VPS8: variants seen among roughly 807,000 people sequenced by gnomAD.
The protein encoded by VPS8 is VPS8 subunit of CORVET complex.
In VPS8, 129 loss-of-function variants were observed where a neutral mutation model predicts 216.4. That is an observed-to-expected ratio of 0.60 (90% CI 0.52 to 0.69). The LOEUF (loss-of-function observed/expected upper bound fraction) is 0.69, where lower values mean the gene tolerates loss of function less well. Ranked by LOEUF, VPS8 falls within the 30% of genes least tolerant of loss-of-function variation. The pLI is 0.00. For missense variants in VPS8, 1,531 were observed against 1,683.5 expected (o/e 0.91, Z 1.59); for synonymous variants, 571 against 565.4 (o/e 1.01, Z -0.14).
At chr3:184,882,508 A>G (rs778544290) in intron 21 of VPS8, 42 of 368,188 alleles carry the variant, frequency 1.1e-4, no homozygotes, top group Non-Finnish European at 2.1e-4. Flanking sequence ...TTTATGAAGA[A>G]CATTGGTCTG....
intron 40 of VPS8, among the ~76,000 whole-genome samples, chr3:184,975,382 T>C (rs1331256446): frequency 6.6e-6 from 1 of 152,154 alleles, no homozygotes; most frequent in Non-Finnish European, 1.5e-5. Flanking sequence ...TGCTACTGAT[T>C]GTTGAATGTT....
Position 184,981,942 on chromosome 3 carries a change from A to C in VPS8, c.3421-624A>C, listed in dbSNP as rs928155316. 3.3e-5 allele frequency among the ~76,000 whole-genome samples: 4 copies of C among 120,904 alleles called. No individual in the cohort carries two copies. The South Asian group carries it at 9.2e-4, about 28-fold the overall frequency. 79.3% of individuals were successfully genotyped at this position (120,904 alleles called of 152,430 possible). On this transcript the variant is annotated intron_variant, in intron 40 of 47. Transcript: ENST00000625842. ...TGTAAAGCATTTAATAGTGATTAAC[A>C]TAATATAAATAAATGATAGTTTTTT...
intron 5 of VPS8, among the ~76,000 whole-genome samples, chr3:184,836,897 G>A (rs1721193297): frequency 6.6e-6 from 1 of 152,118 alleles, no homozygotes. Flanking sequence ...AAAGTAGTAT[G>A]ACATGTGACT....
rs755774030 is a variant in VPS8, at chr3:184,983,034, A to T, written c.3525A>T (p.Gln1175His). 1 of 1,608,730 alleles carries T rather than the reference A, an allele frequency of 6.2e-7. No homozygotes were observed. The highest frequency in any genetic ancestry group is 1.1e-5 in the South Asian group (1 of 89,894). The stretch of plus-strand genomic sequence containing the variant: ...CAGCTCTGAAGTCTTTGACCATGCA[A>T]GTTTTAAATAGCATGGCAGCATTTA... ...HSEALKSLTM[Q>H]VLNSMAAFIA... The change falls in exon 42 of 48, where the codon CAA becomes CAT. Residue 1175 changes from glutamine to histidine, a missense_variant. By Grantham distance (24) the Gln-to-His change is conservative. Around this residue, in one of 3 missense-constraint regions of VPS8, gnomAD observed 1,318 missense variants for 1,468.4 expected, o/e 0.90. Coordinates refer to ENST00000625842, the MANE Select transcript of VPS8 (RefSeq NM_001009921.3).
intron 7 of VPS8, chr3:184,840,619 G>A (rs1454623895): frequency 6.6e-6 from 1 of 152,172 alleles, no homozygotes; most frequent in African/African-American, 2.4e-5. Flanking sequence ...GGCTGAGGCA[G>A]GAGAATCGCA....
intron 36 of VPS8, among the ~76,000 whole-genome samples, chr3:184,957,087 T>C (rs1745731313): frequency 2.0e-5 from 3 of 152,346 alleles, no homozygotes; most frequent in African/African-American, 7.2e-5. Flanking sequence ...TTGTTTCTTT[T>C]AGAATAAAAC....
At position 184,824,786 on chromosome 3, in the gene VPS8, G is replaced by A; in HGVS notation, c.153+1G>A. ...GGAACTGGAGTTCAAAAATGATCTGGTAAAAATTTCAATTTCTGTCAAGTG... is the reference window on the plus strand; with the variant it reads ...GGAACTGGAGTTCAAAAATGATCTGATAAAAATTTCAATTTCTGTCAAGTG... On this transcript the variant is annotated splice_donor_variant, in intron 2 of 47. Coordinates refer to ENST00000625842, the MANE Select transcript of VPS8 (RefSeq NM_001009921.3). LOFTEE classifies it high-confidence loss of function. 6.2e-7 allele frequency: 1 copy of A among 1,603,402 alleles called. No homozygotes were observed. Among genetic ancestry groups the A allele is most frequent in the African/African-American group, 1.3e-5 (1 of 74,738 alleles).
At chr3:184,867,109 A>T (rs1727503679) in intron 17 of VPS8, among the ~76,000 whole-genome samples, 159 bp downstream of exon 17, 1 of 152,014 alleles carries the variant, frequency 6.6e-6, no homozygotes, top group Non-Finnish European at 1.5e-5. Context: ...TTAGTTAATT[A>T]TTTTTTTCCT....
chr3:184,816,872 T>C (rs968947292), intron 1 of VPS8, among the ~76,000 whole-genome samples: 2 of 152,144 alleles, frequency 1.3e-5, no homozygotes, highest in African/African-American at 2.4e-5. Context: ...CAAGAAGTTA[T>C]TGAGTGGAGG....
chr3:184,834,655 G>A lies in VPS8; in HGVS notation c.360G>A (p.Lys120=). Residue 120 remains lysine (K), a synonymous_variant, in exon 5 of 48, where the codon AAG becomes AAA. Transcript: ENST00000625842. Reference sequence around the variant, plus strand: ...TTTTCTTTTTTTTTTTCAGGAAGAAGAAATTACCTGATTCTTTTTCACTTC... The same window carrying A: ...TTTTCTTTTTTTTTTTCAGGAAGAAAAAATTACCTGATTCTTTTTCACTTC... ...SGDRTNLKRK[K]KLPDSFSLHG... The A allele has an allele frequency of 6.6e-7, 1 of 1,526,270 alleles. No homozygotes were observed. The highest frequency in any genetic ancestry group is 8.8e-7 in the Non-Finnish European group (1 of 1,136,210). The allele number at this position is 1,526,270 out of a possible 1,614,324, so 94.5% of individuals were successfully genotyped here.
chr3:184,957,605 A>G, intron 37 of VPS8, 84 bp downstream of exon 37: 1 of 1,407,016 alleles, frequency 7.1e-7, no homozygotes, highest in Non-Finnish European at 9.5e-7. Context: ...AAGGGGAAAA[A>G]ATATATAATT....
intron 40 of VPS8, among the ~76,000 whole-genome samples, chr3:184,981,362 G>A (rs1750164498): frequency 6.6e-6 from 1 of 152,090 alleles, no homozygotes; most frequent in Non-Finnish European, 1.5e-5. Flanking sequence ...CAGTGGTGTG[G>A]GGTGTGCTGC....
In VPS8 at chr3:184,869,662, GAC is replaced by G. The variant is rs1038304682; in HGVS notation, c.1644+141_1644+142del. On this transcript the variant is annotated intron_variant, in intron 20 of 47. Coordinates refer to ENST00000625842, the MANE Select transcript of VPS8 (RefSeq NM_001009921.3). ...GTATTAAAAAACACACACACACACA[GAC>G]ACACACTTGGGGTCAGGGGTTCAAG... 1.9e-5 allele frequency: 14 copies of G among 756,302 alleles called. No homozygotes were observed. In the African/African-American group the frequency reaches 2.3e-4, roughly 12 times the overall value. 46.8% of individuals were successfully genotyped at this position (756,302 alleles called of 1,614,324 possible).
At chr3:184,881,577 T>C (rs1730274965) in intron 21 of VPS8, among the ~76,000 whole-genome samples, 1 of 152,092 alleles carries the variant, frequency 6.6e-6, no homozygotes, top group South Asian at 2.1e-4. Context: ...TGAAATTGGG[T>C]AGACCGATTC....
Position 184,893,472 on chromosome 3 carries a change from A to T in VPS8, c.1782-1231A>T, listed in dbSNP as rs1732759927. 3 of 643,914 alleles carry T rather than the reference A, an allele frequency of 4.7e-6. No individual in the cohort carries two copies. In the South Asian group the frequency reaches 8.1e-5, roughly 17 times the overall value. The allele number at this position is 643,914 out of a possible 1,614,324, so 39.9% of individuals were successfully genotyped here. On this transcript the variant is annotated intron_variant, in intron 22 of 47. Coordinates refer to ENST00000625842, the MANE Select transcript of VPS8 (RefSeq NM_001009921.3). ...AAAAACAGAATGAACAAAGAAGTGA[A>T]TGATACAAGGCAATACAATTTATAA...
rs768907248 is a variant in VPS8, at chr3:185,024,323, C to CT, written c.4003-5dup. The stretch of plus-strand genomic sequence containing the variant: ...ACTGAAAGGGTATTAAAATGTTTGC[C>CT]TTTTTTTTCCAGGTAAAAATGTCTC... On this transcript the variant is annotated splice_polypyrimidine_tract_variant and intron_variant, in intron 45 of 47. Transcript: ENST00000625842. 4.1e-5 allele frequency: 64 copies of CT among 1,576,282 alleles called. No homozygotes were observed. The highest frequency in any genetic ancestry group is 2.2e-4 in the African/African-American group (16 of 74,246).
intron 23 of VPS8, among the ~76,000 whole-genome samples, chr3:184,897,336 T>A (rs1733693508): frequency 6.6e-6 from 1 of 151,650 alleles, no homozygotes; most frequent in Non-Finnish European, 1.5e-5. Flanking sequence ...GGTGTGAGAG[T>A]GTGGGAATGA....
At chr3:184,875,388 CT>C (rs1405340690) in intron 21 of VPS8, among the ~76,000 whole-genome samples, 3 of 152,174 alleles carry the variant, frequency 2.0e-5, no homozygotes, top group Non-Finnish European at 4.4e-5. Flanking sequence ...ACTTTTGGAT[CT>C]TGTCACATTT....
intron 36 of VPS8, among the ~76,000 whole-genome samples, chr3:184,944,221 C>T (rs953208992): frequency 6.6e-5 from 10 of 152,168 alleles, no homozygotes; most frequent in Non-Finnish European, 1.3e-4. Context: ...TAAATAGTTT[C>T]CTCAGTCAAA....
Sources: allele counts gnomAD v4.1 joint callset (sites outside exome capture counted in the v4.1 genomes callset), GRCh38; gene constraint gnomAD v4.1.1; regional missense constraint gnomAD v4.1.1; transcripts MANE v1.5; gene names NCBI Gene and HGNC (gene_info 2026-07-23, HGNC 2026-07-21).